GLP2R: variants seen among roughly 807,000 people sequenced by gnomAD.
GLP2R encodes the protein glucagon-like peptide 2 receptor.
A neutral mutation model predicts 68.2 loss-of-function variants in GLP2R; 59 were observed. The ratio of observed to expected loss-of-function variants is 0.87; its 90% CI spans 0.70 to 1.07. The LOEUF (loss-of-function observed/expected upper bound fraction) is 1.07, where lower values mean the gene tolerates loss of function less well. Ranked by LOEUF, GLP2R falls within the 50% of genes least tolerant of loss-of-function variation. GLP2R has a pLI of 0.00. For synonymous variants in GLP2R, 270 were observed against 265.4 expected, an observed-to-expected ratio of 1.02 and a Z score of -0.17; for missense variants, 548 against 677.4, an observed-to-expected ratio of 0.81 and a Z score of 2.12.
intron 4 of GLP2R, among the ~76,000 whole-genome samples, chr17:9,850,070 G>A (rs986642085): frequency 5.9e-5 from 9 of 152,240 alleles, no homozygotes; most frequent in African/African-American, 1.4e-4. Flanking sequence ...CATTGCCATC[G>A]GGGTTATACA....
intron 2 of GLP2R, among the ~76,000 whole-genome samples, chr17:9,835,608 C>T (rs752772478): frequency 7.2e-5 from 11 of 152,076 alleles, no homozygotes; most frequent in East Asian, 1.9e-4. Context: ...TTCCGCTGGT[C>T]GTTTTGTACA....
rs368157136 is a variant in GLP2R at position 9,827,960 on chromosome 17, C to CAAA, written c.189+1726_189+1728dup. 2.7e-3 allele frequency among the ~76,000 whole-genome samples: 202 copies of CAAA among 73,826 alleles called. 1 individual carries two copies. The highest frequency in any genetic ancestry group is 0.016 in the East Asian group (41 of 2,622). The allele number at this position is 73,826 out of a possible 152,430, so 48.4% of individuals were successfully genotyped here. On this transcript the variant is annotated intron_variant, in intron 1 of 12. Transcript: ENST00000262441. ...TGGGCAGTAGAGTGAGGATCTGTCT[C>CAAA]AAAAAAAAAAAAAAAAAAAAGGAAT... is the stretch of plus-strand genomic sequence containing the variant.
At chr17:9,870,015 G>A (rs2067078150) in intron 9 of GLP2R, among the ~76,000 whole-genome samples, 1 of 152,188 alleles carries the variant, frequency 6.6e-6, no homozygotes, top group South Asian at 2.1e-4. Flanking sequence ...ATTCTAGGGA[G>A]TAGAGAGCAT....
rs779943106 is a variant in GLP2R, at chr17:9,842,536, A to G, written c.424A>G (p.Thr142Ala). The change falls in exon 4 of 13, where the codon ACT becomes GCT. Residue 142 changes from threonine to alanine, a missense_variant. Coordinates refer to ENST00000262441, the MANE Select transcript of GLP2R (RefSeq NM_004246.3). ...CTACAGACACTGCTTGGCTCAGGGGACTTGGCAGACGATAGAGAACGCCAC... is the reference window on the plus strand; with the variant it reads ...CTACAGACACTGCTTGGCTCAGGGGGCTTGGCAGACGATAGAGAACGCCAC... ...RAYRHCLAQG[T>A]WQTIENATDI... 6.2e-7 allele frequency: 1 copy of G among 1,614,032 alleles called. No homozygotes were observed.
intron 3 of GLP2R, among the ~76,000 whole-genome samples, chr17:9,838,201 G>T (rs1364066567): frequency 6.6e-6 from 1 of 152,176 alleles, no homozygotes; most frequent in Non-Finnish European, 1.5e-5. Flanking sequence ...GGAGTCAGGA[G>T]CCCCGAGGTC....
At chr17:9,879,591 G>A (rs774235843) in intron 10 of GLP2R, among the ~76,000 whole-genome samples, 1 of 152,182 alleles carries the variant, frequency 6.6e-6, no homozygotes, top group Non-Finnish European at 1.5e-5. Flanking sequence ...TATATTTTAA[G>A]AGCTCTGTAA....
chr17:9,877,367 G>A (rs899550574), intron 10 of GLP2R, among the ~76,000 whole-genome samples: 10 of 152,170 alleles, frequency 6.6e-5, no homozygotes, highest in Admixed American at 5.2e-4. Context: ...AAGGTGAAGG[G>A]TAGACAATCC....
chr17:9,834,313 G>T (rs1329503186), intron 2 of GLP2R, among the ~76,000 whole-genome samples: 1 of 152,134 alleles, frequency 6.6e-6, no homozygotes, highest in African/African-American at 2.4e-5. Flanking sequence ...ATGTGGATGT[G>T]GCCGTCTTTG....
intron 10 of GLP2R, among the ~76,000 whole-genome samples, chr17:9,871,205 C>T (rs757096865): frequency 1.3e-5 from 2 of 151,882 alleles, no homozygotes; most frequent in Non-Finnish European, 2.9e-5. Context: ...CCGTTTCTAC[C>T]AAAAATACAA....
At chr17:9,882,364 G>A (rs1450873377) in intron 11 of GLP2R, among the ~76,000 whole-genome samples, 1 of 152,204 alleles carries the variant, frequency 6.6e-6, no homozygotes, top group Non-Finnish European at 1.5e-5. Flanking sequence ...TGATGGGCTA[G>A]CCAGAAATTT....
chr17:9,879,292 A>AAAATAAAATAAAATAAAATAAAAT (rs1555574074), intron 10 of GLP2R, among the ~76,000 whole-genome samples: 629 of 16,694 alleles, frequency 0.038, 25 homozygotes, highest in East Asian at 0.081. Flanking sequence ...AAAATAAAAT[A>AAAATAAAATAAAATAAAATAAAAT]AATAAAATAA....
chr17:9,843,054 T>C (rs2066803556), intron 4 of GLP2R, among the ~76,000 whole-genome samples: 4 of 149,612 alleles, frequency 2.7e-5, no homozygotes, highest in Admixed American at 1.3e-4. Context: ...GACTCCTTTA[T>C]GGCACCTGCC....
At chr17:9,844,093 G>A (rs905095806) in intron 4 of GLP2R, among the ~76,000 whole-genome samples, 2 of 152,276 alleles carry the variant, frequency 1.3e-5, no homozygotes, top group African/African-American at 4.8e-5. Flanking sequence ...AGAGCAAAAG[G>A]GAGAAACACA....
intron 3 of GLP2R, among the ~76,000 whole-genome samples, chr17:9,840,221 C>T (rs911051189): frequency 6.6e-6 from 1 of 152,192 alleles, no homozygotes; most frequent in Non-Finnish European, 1.5e-5. Context: ...GTGAACCTCC[C>T]GCCTTGGCCT....
At chr17:9,828,776 G>A (rs895982142) in intron 1 of GLP2R, among the ~76,000 whole-genome samples, 1 of 152,050 alleles carries the variant, frequency 6.6e-6, no homozygotes, top group Admixed American at 6.6e-5. Flanking sequence ...CAGAGCCTCG[G>A]GCCGGCTTAC....
chr17:9,886,013 G>A (rs984432272), intron 11 of GLP2R, among the ~76,000 whole-genome samples: 3 of 152,196 alleles, frequency 2.0e-5, no homozygotes, highest in Non-Finnish European at 4.4e-5. Flanking sequence ...GGGCTTGTGT[G>A]TGGGCAGAGG....
intron 4 of GLP2R, among the ~76,000 whole-genome samples, chr17:9,847,030 C>T (rs1314125964): frequency 6.6e-6 from 1 of 152,198 alleles, no homozygotes; most frequent in Non-Finnish European, 1.5e-5. Context: ...TTAACACTTG[C>T]CAATTTTGGT....
At chr17:9,851,893 A>G (rs2066894529) in intron 4 of GLP2R, among the ~76,000 whole-genome samples, 1 of 152,140 alleles carries the variant, frequency 6.6e-6, no homozygotes, top group Non-Finnish European at 1.5e-5. Flanking sequence ...AATATTAAAA[A>G]AAAAATAACA....
chr17:9,855,774 G>A (rs2066929341), intron 5 of GLP2R, among the ~76,000 whole-genome samples: 1 of 152,152 alleles, frequency 6.6e-6, no homozygotes, highest in African/African-American at 2.4e-5. Context: ...CCGGCTGGTG[G>A]GTGATGAAGC....
Sources: allele counts gnomAD v4.1 joint callset (sites outside exome capture counted in the v4.1 genomes callset), GRCh38; gene constraint gnomAD v4.1.1; transcripts MANE v1.5; gene names NCBI Gene and HGNC (gene_info 2026-07-23, HGNC 2026-07-21).